Variants in RBMS3 observed in about 807,000 individuals in gnomAD.
RBMS3 encodes RNA binding motif single stranded interacting protein 3.
A neutral mutation model predicts 66.8 loss-of-function variants in RBMS3; 27 were observed. That is an observed-to-expected ratio of 0.40 (90% CI 0.30 to 0.56). The LOEUF (loss-of-function observed/expected upper bound fraction) is 0.56, where lower values mean the gene tolerates loss of function less well. Among genes scored for constraint, RBMS3 ranks in the 20% least tolerant of loss-of-function variants. The pLI is 0.40. For synonymous variants in RBMS3, 188 were observed against 183.0 expected, an observed-to-expected ratio of 1.03 and a Z score of -0.22; for missense variants, 513 against 549.5, an observed-to-expected ratio of 0.93 and a Z score of 0.66.
chr3:29,635,686 C>G (rs1353663608), intron 4 of RBMS3, among the ~76,000 whole-genome samples: 1 of 151,884 alleles, frequency 6.6e-6, no homozygotes, highest in African/African-American at 2.4e-5. Context: ...GCATGTCTCA[C>G]TCGGGTAAAA....
intron 4 of RBMS3, among the ~76,000 whole-genome samples, chr3:29,694,980 T>G (rs571360871): frequency 6.6e-6 from 1 of 152,298 alleles, no homozygotes; most frequent in Admixed American, 6.5e-5. Context: ...TGTCTGCTAT[T>G]TATCACTGCA....
rs937143733 is a variant in RBMS3, at chr3:29,868,852, T to C, written c.638-6T>C. The C allele has an allele frequency of 1.3e-6, 2 of 1,587,510 alleles. No individual in the cohort carries two copies. The highest frequency in any genetic ancestry group is 1.1e-5 in the South Asian group (1 of 87,136). ...TTAATGTAGAATTGGTTTCTTATCT[T>C]CCCAGCCCCCAGTGAGCCTTTGCTG... On this transcript the variant is annotated splice_region_variant and splice_polypyrimidine_tract_variant and intron_variant, in intron 6 of 14. Coordinates refer to ENST00000383767, the MANE Select transcript of RBMS3 (RefSeq NM_001003793.3).
intron 10 of RBMS3, among the ~76,000 whole-genome samples, chr3:29,915,468 G>A (rs1258416690): frequency 6.6e-6 from 1 of 151,862 alleles, no homozygotes; most frequent in African/African-American, 2.4e-5. Flanking sequence ...CATGCTTTTT[G>A]TTGGTGTTTT....
At chr3:29,292,719 A>G (rs1229962765) in intron 1 of RBMS3, among the ~76,000 whole-genome samples, 1 of 151,858 alleles carries the variant, frequency 6.6e-6, no homozygotes, top group African/African-American at 2.4e-5. Context: ...GGTTATTTAT[A>G]AGAAACAGGA....
intron 1 of RBMS3, among the ~76,000 whole-genome samples, chr3:29,301,952 G>A (rs1347404506): frequency 1.3e-5 from 2 of 151,860 alleles, no homozygotes; most frequent in Non-Finnish European, 2.9e-5. Context: ...TTATTTTCAC[G>A]TAACGCTTTT....
At chr3:29,411,053 A>G (rs536988587) in intron 1 of RBMS3, among the ~76,000 whole-genome samples, 1 of 152,158 alleles carries the variant, frequency 6.6e-6, no homozygotes, top group Admixed American at 6.5e-5. Flanking sequence ...TTTTGAGTAG[A>G]CTCAAGTCTC....
chr3:29,314,634 G>T (rs548327025), intron 1 of RBMS3, among the ~76,000 whole-genome samples: 14 of 151,730 alleles, frequency 9.2e-5, no homozygotes, highest in African/African-American at 3.1e-4. Context: ...TTTATCTCGG[G>T]TGCACAGGGG....
intron 4 of RBMS3, among the ~76,000 whole-genome samples, chr3:29,690,967 T>TA (rs1459775172): frequency 6.6e-6 from 1 of 152,212 alleles, no homozygotes; most frequent in Non-Finnish European, 1.5e-5. Flanking sequence ...AGCATGTGCT[T>TA]AAGAGGGTTT....
At chr3:29,892,843 G>GTATTTATT (rs371501719) in intron 8 of RBMS3, among the ~76,000 whole-genome samples, 7,991 of 137,316 alleles carry the variant, frequency 0.058, 327 homozygotes, top group African/African-American at 0.1. Flanking sequence ...ATGTATGTAT[G>GTATTTATT]TATTTATTTA....
chr3:29,932,917 G>C (rs929211920), intron 10 of RBMS3, among the ~76,000 whole-genome samples: 22 of 152,256 alleles, frequency 1.4e-4, no homozygotes, highest in Non-Finnish European at 3.2e-4. Flanking sequence ...AGTGGGAGCA[G>C]CTTTGTTTTG....
At chr3:29,997,175 G>T (rs567038269) in intron 14 of RBMS3, among the ~76,000 whole-genome samples, 7 of 152,090 alleles carry the variant, frequency 4.6e-5, no homozygotes, top group Admixed American at 3.3e-4. Flanking sequence ...TAGAAGAAAT[G>T]GATAAATTCC....
intron 6 of RBMS3, among the ~76,000 whole-genome samples, chr3:29,865,274 G>GCCTATAGA (rs1202965523): frequency 1.0e-3 from 156 of 152,224 alleles, no homozygotes; most frequent in African/African-American, 3.6e-3. Context: ...TACCTAAAGA[G>GCCTATAGA]AAGTCATACT....
chr3:29,389,492 AT>A (rs1448295637), intron 1 of RBMS3, among the ~76,000 whole-genome samples: 9 of 152,258 alleles, frequency 5.9e-5, no homozygotes, highest in Non-Finnish European at 1.2e-4. Flanking sequence ...CTTAGGCATA[AT>A]TTTTATGTGA....
intron 4 of RBMS3, among the ~76,000 whole-genome samples, chr3:29,683,555 C>T (rs989110054): frequency 6.6e-6 from 1 of 152,176 alleles, no homozygotes; most frequent in Admixed American, 6.5e-5. Context: ...TACCCAGTCT[C>T]ATGCTAACTC....
At chr3:29,514,286 C>T (rs998008224) in intron 3 of RBMS3, among the ~76,000 whole-genome samples, 3 of 152,076 alleles carry the variant, frequency 2.0e-5, no homozygotes, top group Admixed American at 2.0e-4. Flanking sequence ...ATTTATGTGG[C>T]AGAATGCTCT....
At position 30,006,129 on chromosome 3, in the gene RBMS3, A is replaced by AGTTTCAC. The variant is rs1383240774; in HGVS notation, c.*2267_*2268insGTTTCAC. 2 of 151,882 alleles carry AGTTTCAC rather than the reference A, an allele frequency of 1.3e-5. No individual in the cohort carries two copies. Among genetic ancestry groups the AGTTTCAC allele is most frequent in the African/African-American group, 4.8e-5 (2 of 41,412 alleles). The allele number at this position is 151,882 out of a possible 1,614,324, so 9.4% of individuals were successfully genotyped here. On this transcript the variant is annotated 3_prime_UTR_variant, in exon 15 of 15. Coordinates refer to ENST00000383767, the MANE Select transcript of RBMS3 (RefSeq NM_001003793.3). ...CAAATAGGTGAAACTCTTTTCAAAA[A>AGTTTCAC]CTAAGTCAGTCACAGGAGCCTGTCT...
rs1325336144 is a variant in RBMS3, at chr3:30,006,586, T to G, written c.*2724T>G. ...ATCTTTGAAAAGTGGGCCCCAAAGTTTTTTGGGGTACAAAAAGACATGTAT... is the reference window on the plus strand; with the variant it reads ...ATCTTTGAAAAGTGGGCCCCAAAGTGTTTTGGGGTACAAAAAGACATGTAT... On this transcript the variant is annotated 3_prime_UTR_variant, in exon 15 of 15. Transcript: ENST00000383767. 2.0e-5 allele frequency: 3 copies of G among 151,896 alleles called. No individual in the cohort carries two copies. The highest frequency in any genetic ancestry group is 4.4e-5 in the Non-Finnish European group (3 of 67,842). 9.4% of individuals were successfully genotyped at this position (151,896 alleles called of 1,614,324 possible).
intron 14 of RBMS3, among the ~76,000 whole-genome samples, chr3:29,993,645 G>A (rs115029416): frequency 6.6e-6 from 1 of 152,242 alleles, no homozygotes; most frequent in East Asian, 1.9e-4. Flanking sequence ...AGGAACTCCT[G>A]TTACTTGACT....
chr3:29,765,350 G>A (rs1189345749), intron 6 of RBMS3, among the ~76,000 whole-genome samples: 1 of 151,926 alleles, frequency 6.6e-6, no homozygotes, highest in Non-Finnish European at 1.5e-5. Context: ...ATTTAAGACA[G>A]GGAGTAGGAT....
Sources: gnomAD v4.1 joint callset for allele counts (sites outside exome capture counted in the v4.1 genomes callset) on GRCh38, gnomAD v4.1.1 for gene constraint, MANE v1.5 for transcripts, NCBI Gene and HGNC (gene_info 2026-07-23, HGNC 2026-07-21) for gene names.